Variants in NFYA observed in about 807,000 individuals in gnomAD.
The protein encoded by NFYA is nuclear transcription factor Y subunit alpha.
In NFYA, 28 loss-of-function variants were observed where a neutral mutation model predicts 52.8. The ratio of observed to expected loss-of-function variants is 0.53; its 90% CI spans 0.39 to 0.73. NFYA has a LOEUF of 0.73. Ranked by LOEUF, NFYA falls within the 30% of genes least tolerant of loss-of-function variation. The pLI, the probability that NFYA is intolerant of heterozygous loss-of-function variation, is 0.00. For missense variants in NFYA, 234 were observed against 427.0 expected, an observed-to-expected ratio of 0.55 and a Z score of 3.98; for synonymous variants, 150 against 150.7, an observed-to-expected ratio of 1.00 and a Z score of 0.03.
chr6:41,097,173 T>A (rs547069936), intron 9 of NFYA, among the ~76,000 whole-genome samples, 184 bp from the exon 10 acceptor site: 17 of 152,226 alleles, frequency 1.1e-4, no homozygotes, highest in Non-Finnish European at 2.1e-4. Context: ...GAATAAGGTT[T>A]ATTGTCTCTT....
chr6:41,079,224 A>G, intron 2 of NFYA, 60 bp downstream of exon 2: 3 of 1,504,518 alleles, frequency 2.0e-6, no homozygotes, highest in Non-Finnish European at 1.9e-6. Context: ...GCACCACTCA[A>G]TTGGTTGGTC....
intron 1 of NFYA, among the ~76,000 whole-genome samples, chr6:41,074,013 G>A (rs4140579): frequency 0.39 from 59,002 of 151,580 alleles, 12,079 homozygotes; most frequent in African/African-American, 0.52. Flanking sequence ...CATTCTTTCC[G>A]GAGGCTGCAC....
chr6:41,075,765 C>T (rs1400033855), intron 1 of NFYA: 1 of 151,770 alleles, frequency 6.6e-6, no homozygotes, highest in East Asian at 1.9e-4. Context: ...GATTTATCCC[C>T]AGCTGGAACA....
In NFYA at chr6:41,097,934, C is replaced by G. The variant is rs1764405701; in HGVS notation, c.*524C>G. On this transcript the variant is annotated 3_prime_UTR_variant, in exon 10 of 10. Coordinates refer to ENST00000341376, the MANE Select transcript of NFYA (RefSeq NM_002505.5). ...TCTTGTGATACGGAAACAATAAATT[C>G]CTGAGATACATTCTTCCAATCTGTG... 6.5e-6 allele frequency: 1 copy of G among 153,092 alleles called. No homozygotes were observed. Among genetic ancestry groups the G allele is most frequent in the African/African-American group, 2.4e-5 (1 of 41,450 alleles). 9.5% of individuals were successfully genotyped at this position (153,092 alleles called of 1,614,324 possible). A position where few individuals can be genotyped will look rare whatever the true frequency, so the allele number is the denominator to read the frequency against.
Position 41,073,071 on chromosome 6 carries a change from G to C in NFYA, c.-75G>C, listed in dbSNP as rs1021649137. 1.3e-5 allele frequency: 2 copies of C among 153,906 alleles called. No homozygotes were observed. Among genetic ancestry groups the C allele is most frequent in the African/African-American group, 2.4e-5 (1 of 41,466 alleles). 9.5% of individuals were successfully genotyped at this position (153,906 alleles called of 1,614,324 possible). A position where few individuals can be genotyped will look rare whatever the true frequency, so the allele number is the denominator to read the frequency against. On this transcript the variant is annotated 5_prime_UTR_variant, in exon 1 of 10. Transcript: ENST00000341376. The stretch of plus-strand genomic sequence containing the variant: ...CCAATCAGCGCGGGCAGCGAACCGG[G>C]GGAGCGAGGCACGGTGAGTGTGAGG...
intron 4 of NFYA, among the ~76,000 whole-genome samples, chr6:41,085,008 ACT>A (rs1764005772): frequency 6.6e-6 from 1 of 152,170 alleles, no homozygotes; most frequent in African/African-American, 2.4e-5. Flanking sequence ...GTTACATACA[ACT>A]CTGTGGCATC....
chr6:41,077,332 T>C (rs368492402), intron 1 of NFYA, among the ~76,000 whole-genome samples: 1 of 152,266 alleles, frequency 6.6e-6, no homozygotes, highest in South Asian at 2.1e-4. Flanking sequence ...AATGAAGATA[T>C]AAAACATTTT....
At position 41,098,585 on chromosome 6, in the gene NFYA, A is replaced by T. The variant is rs1013598148; in HGVS notation, c.*1175A>T. The T allele has an allele frequency of 1.3e-5, 2 of 152,732 alleles. No individual in the cohort carries two copies. Among genetic ancestry groups the T allele is most frequent in the African/African-American group, 4.8e-5 (2 of 41,456 alleles). The allele number at this position is 152,732 out of a possible 1,614,324, so 9.5% of individuals were successfully genotyped here. A position where few individuals can be genotyped will look rare whatever the true frequency, so the allele number is the denominator to read the frequency against. On this transcript the variant is annotated 3_prime_UTR_variant, in exon 10 of 10. Transcript: ENST00000341376. The stretch of plus-strand genomic sequence containing the variant: ...GCACTGGTCAGTCACACTGTCCTGG[A>T]CAGAGTCCAAGTTACCCACTAAAGC...
At chr6:41,078,660 C>T (rs145165278) in intron 1 of NFYA, among the ~76,000 whole-genome samples, 58 of 152,224 alleles carry the variant, frequency 3.8e-4, no homozygotes, top group Non-Finnish European at 8.1e-4. Flanking sequence ...GAAGCAATTA[C>T]GTGTTACAAC....
chr6:41,076,715 G>C lies in NFYA; in HGVS notation c.-61-2314G>C, dbSNP rs1312004046. ...AAAACCATTCAAAACTTTGTGTTAA[G>C]AGCAAGAGCTAGACAGACTAAATCT... On this transcript the variant is annotated intron_variant, in intron 1 of 9. Transcript: ENST00000341376. Among the ~76,000 whole-genome samples, 4 of 152,232 alleles carry C rather than the reference G, an allele frequency of 2.6e-5. No homozygotes were observed. The East Asian group carries it at 7.7e-4, about 29-fold the overall frequency.
chr6:41,084,226 CAG>C (rs1333989741), intron 4 of NFYA, 34 bp downstream of exon 4: 3 of 1,604,718 alleles, frequency 1.9e-6, no homozygotes, highest in African/African-American at 1.3e-5. Context: ...AGCAGTATAT[CAG>C]AGGAGAGGTT....
intron 9 of NFYA, among the ~76,000 whole-genome samples, chr6:41,096,818 T>C (rs181169752): frequency 2.3e-4 from 35 of 152,348 alleles, no homozygotes; most frequent in African/African-American, 8.2e-4. Flanking sequence ...ATTTGGGAGT[T>C]AGCCCTTGCT....
intron 4 of NFYA, 149 bp from the exon 5 acceptor site, chr6:41,089,430 T>G: frequency 1.4e-6 from 1 of 716,234 alleles, no homozygotes; most frequent in Non-Finnish European, 2.1e-6. Context: ...AAATAAGTTG[T>G]GTCTACTTCA....
intron 1 of NFYA, among the ~76,000 whole-genome samples, chr6:41,074,345 G>T (rs910257150): frequency 6.6e-6 from 1 of 152,182 alleles, no homozygotes; most frequent in Non-Finnish European, 1.5e-5. Context: ...CGTGTGTTAG[G>T]GAGGGAGTAC....
At chr6:41,084,237 T>C (rs1199632694) in intron 4 of NFYA, 45 bp downstream of exon 4, 4 of 1,589,024 alleles carry the variant, frequency 2.5e-6, no homozygotes, top group Non-Finnish European at 3.4e-6. Context: ...AGAGGAGAGG[T>C]TTCAAAGAAT....
rs1455151816 is a variant in NFYA at position 41,098,957 on chromosome 6, T to C, written c.*1547T>C. ...AAAACCCAATAATTCCGAGGAACAT[T>C]GGGGGTTAAATACCAAGAATAAAAA... On this transcript the variant is annotated 3_prime_UTR_variant, in exon 10 of 10. Transcript: ENST00000341376. 1 of 152,258 alleles carries C rather than the reference T, an allele frequency of 6.6e-6. No homozygotes were observed. The highest frequency in any genetic ancestry group is 2.4e-5 in the African/African-American group (1 of 41,436). The allele number at this position is 152,258 out of a possible 1,614,324, so 9.4% of individuals were successfully genotyped here. A position where few individuals can be genotyped will look rare whatever the true frequency, so the allele number is the denominator to read the frequency against.
At chr6:41,091,843 A>G in intron 7 of NFYA, 149 bp downstream of exon 7, 1 of 866,044 alleles carries the variant, frequency 1.2e-6, no homozygotes, top group South Asian at 1.8e-5. Context: ...ACATTATGAC[A>G]AACCATAATT....
chr6:41,089,575 G>C lies in NFYA; in HGVS notation c.310-4G>C. On this transcript the variant is annotated splice_polypyrimidine_tract_variant and splice_region_variant and intron_variant, in intron 4 of 9. Transcript: ENST00000341376. ...CAATCCTTTTTTTATGTTCTTTTCTGCAGATACAGTTGGTCCCACCTGGAC... is the reference window on the plus strand; with the variant it reads ...CAATCCTTTTTTTATGTTCTTTTCTCCAGATACAGTTGGTCCCACCTGGAC... 6.2e-7 allele frequency: 1 copy of C among 1,603,136 alleles called. No individual in the cohort carries two copies. The highest frequency in any genetic ancestry group is 8.5e-7 in the Non-Finnish European group (1 of 1,175,822).
At chr6:41,095,240 G>A (rs1764316117) in intron 9 of NFYA, among the ~76,000 whole-genome samples, 1 of 152,126 alleles carries the variant, frequency 6.6e-6, no homozygotes, top group East Asian at 1.9e-4. Flanking sequence ...AGCCTTACAT[G>A]CTCCAGCTCC....
Sources: allele counts gnomAD v4.1 joint callset (sites outside exome capture counted in the v4.1 genomes callset), GRCh38; gene constraint gnomAD v4.1.1; transcripts MANE v1.5; gene names NCBI Gene and HGNC (gene_info 2026-07-23, HGNC 2026-07-21).